Variants in STAM observed in about 807,000 individuals in gnomAD.
STAM encodes the protein signal transducing adaptor molecule.
A neutral mutation model predicts 63.4 loss-of-function variants in STAM; 16 were observed. The observed-to-expected ratio is 0.25, with a 90% CI of 0.17 to 0.38. The LOEUF is 0.38. STAM is among the 10% of genes least tolerant of loss of function. The probability of loss-of-function intolerance (pLI) is 1.00; values close to 1 mark genes in which losing one functional copy is unlikely to be tolerated. For synonymous variants in STAM, 238 were observed against 223.9 expected (o/e 1.06, Z -0.56); for missense variants, 636 against 657.1 (o/e 0.97, Z 0.35).
At chr10:17,708,606 A>T (rs1018601911) in intron 12 of STAM, among the ~76,000 whole-genome samples, 170 bp from the exon 13 acceptor site, 1 of 152,144 alleles carries the variant, frequency 6.6e-6, no homozygotes. Context: ...TCAACAGCCT[A>T]TTTCATTGAA....
At position 17,695,122 on chromosome 10, in the gene STAM, T is replaced by C. The variant is rs1554827307; in HGVS notation, c.609T>C (p.Ser203=). Residue 203 remains serine, a synonymous_variant, in exon 7 of 14, where the codon AGT becomes AGC. Coordinates refer to ENST00000377524, the MANE Select transcript of STAM (RefSeq NM_003473.4). ...CCACTTTGTATCCAAGCACATCCAG[T>C]CTCTTAACTAACCACCAACATGAAG... ...TLSTLYPSTS[S]LLTNHQHEGR... 6.2e-7 allele frequency: 1 copy of C among 1,614,072 alleles called. No homozygotes were observed. The highest frequency in any genetic ancestry group is 1.1e-5 in the South Asian group (1 of 91,076).
At chr10:17,695,278 T>C (rs1036621503) in intron 7 of STAM, 37 bp downstream of exon 7, 26 of 1,571,948 alleles carry the variant, frequency 1.7e-5, no homozygotes, top group Non-Finnish European at 2.2e-5. Flanking sequence ...TGTATGAAAG[T>C]GTGTATGGCT....
chr10:17,674,494 G>C (rs565908603), intron 2 of STAM, among the ~76,000 whole-genome samples: 25 of 152,242 alleles, frequency 1.6e-4, no homozygotes, highest in African/African-American at 6.0e-4. Flanking sequence ...ACCTCACCTG[G>C]CTATCAGGTG....
In STAM at chr10:17,700,987, C is replaced by A. The variant is rs60753306; in HGVS notation, c.912+708C>A. ...TTTCTAGTATTTGAGGAAAAGCTTA[C>A]GCTAATTTTATATTAAATGTCTTCA... On this transcript the variant is annotated intron_variant, in intron 9 of 13. Transcript: ENST00000377524. 7.2e-5 allele frequency among the ~76,000 whole-genome samples: 11 copies of A among 152,260 alleles called. No homozygotes were observed. In the East Asian group the frequency reaches 1.9e-3, roughly 27 times the overall value.
intron 2 of STAM, among the ~76,000 whole-genome samples, chr10:17,672,628 T>G (rs550314556): frequency 1.3e-5 from 2 of 152,348 alleles, no homozygotes; most frequent in African/African-American, 2.4e-5. Flanking sequence ...CAAGCCAGCT[T>G]CTTCAGCTGT....
At chr10:17,708,998 G>GT (rs1383659182) in intron 13 of STAM, 47 bp downstream of exon 13, 1 of 1,575,474 alleles carries the variant, frequency 6.3e-7, no homozygotes, top group East Asian at 2.3e-5. Flanking sequence ...TGTTACAGCT[G>GT]TTTAAGTGCC....
chr10:17,710,940 A>G (rs1836526372), intron 13 of STAM, among the ~76,000 whole-genome samples: 1 of 152,230 alleles, frequency 6.6e-6, no homozygotes, highest in South Asian at 2.1e-4. Flanking sequence ...ATATAAAAAC[A>G]GATGTGTGTT....
chr10:17,709,633 A>T (rs535346365), intron 13 of STAM, among the ~76,000 whole-genome samples: 56 of 152,226 alleles, frequency 3.7e-4, no homozygotes, highest in Non-Finnish European at 6.0e-4. Flanking sequence ...ATAGGCTTTT[A>T]AGAGTTTACC....
intron 12 of STAM, 142 bp downstream of exon 12, chr10:17,705,883 CAT>C: frequency 1.8e-6 from 1 of 541,710 alleles, no homozygotes; most frequent in Non-Finnish European, 3.0e-6. Flanking sequence ...GCCTGGGTAA[CAT>C]AGTGAGACTC....
At chr10:17,658,148 G>A (rs181755885) in intron 1 of STAM, among the ~76,000 whole-genome samples, 2 of 151,744 alleles carry the variant, frequency 1.3e-5, no homozygotes, top group Admixed American at 1.3e-4. Flanking sequence ...CACAAATTTT[G>A]CGAAGTTGTA....
At chr10:17,646,819 T>G (rs1436385882) in intron 1 of STAM, among the ~76,000 whole-genome samples, 2 of 151,650 alleles carry the variant, frequency 1.3e-5, no homozygotes, top group Admixed American at 6.6e-5. Flanking sequence ...AGAATACACT[T>G]AACAATTTTT....
chr10:17,696,486 T>C (rs1308723558), intron 7 of STAM: 1 of 293,696 alleles, frequency 3.4e-6, no homozygotes, highest in African/African-American at 2.2e-5. Flanking sequence ...CTGTGAACCA[T>C]CTGAAGCTGA....
chr10:17,685,301 G>A (rs1354901366), intron 4 of STAM, among the ~76,000 whole-genome samples: 2 of 152,102 alleles, frequency 1.3e-5, no homozygotes, highest in Non-Finnish European at 2.9e-5. Context: ...CTATGGCACC[G>A]TTGAGTTTTT....
intron 10 of STAM, among the ~76,000 whole-genome samples, chr10:17,704,722 C>A (rs1183753100): frequency 6.6e-6 from 1 of 152,108 alleles, no homozygotes; most frequent in African/African-American, 2.4e-5. Context: ...GTGTTCTGTT[C>A]AACATTTTAG....
chr10:17,711,785 C>G lies in STAM; in HGVS notation c.1386-2758C>G, dbSNP rs114132617. On this transcript the variant is annotated intron_variant, in intron 13 of 13. Transcript: ENST00000377524. ...ACATACTTGAAGACACTGCCAAGGTCGAAGAATGCTTGTTCTAGATACCAT... is the reference window on the plus strand; with the variant it reads ...ACATACTTGAAGACACTGCCAAGGTGGAAGAATGCTTGTTCTAGATACCAT... Among the ~76,000 whole-genome samples the G allele has an allele frequency of 9.1e-3, 1,390 of 152,132 alleles. 14 individuals carry two copies. Among genetic ancestry groups the G allele is most frequent in the African/African-American group, 0.032 (1,336 of 41,502 alleles).
chr10:17,648,213 T>C (rs1833592862), intron 1 of STAM, among the ~76,000 whole-genome samples: 1 of 152,188 alleles, frequency 6.6e-6, no homozygotes, highest in Non-Finnish European at 1.5e-5. Flanking sequence ...AACTTTTCGG[T>C]CTTACAAGGG....
intron 2 of STAM, among the ~76,000 whole-genome samples, chr10:17,680,926 A>C (rs1339318978): frequency 2.6e-5 from 4 of 152,190 alleles, no homozygotes; most frequent in Non-Finnish European, 4.4e-5. Flanking sequence ...TGCTATGAAC[A>C]CGGGTATACC....
At chr10:17,653,218 A>C (rs1554821720) in intron 1 of STAM, among the ~76,000 whole-genome samples, 1 of 152,136 alleles carries the variant, frequency 6.6e-6, no homozygotes, top group Non-Finnish European at 1.5e-5. Flanking sequence ...ATGACACCCC[A>C]ATTGTAGAAT....
chr10:17,700,455 CTTTG>C (rs1386818365), intron 9 of STAM, among the ~76,000 whole-genome samples, 176 bp downstream of exon 9: 2 of 151,976 alleles, frequency 1.3e-5, no homozygotes, highest in South Asian at 2.1e-4. Flanking sequence ...CTCTCCAGTC[CTTTG>C]TTTGCCGTGC....
Sources: allele counts gnomAD v4.1 joint callset (sites outside exome capture counted in the v4.1 genomes callset), GRCh38; gene constraint gnomAD v4.1.1; transcripts MANE v1.5; gene names NCBI Gene and HGNC (gene_info 2026-07-23, HGNC 2026-07-21).